Variants in RGS17 observed in about 807,000 individuals in gnomAD.
RGS17 encodes regulator of G-protein signaling 17.
A neutral mutation model predicts 25.5 loss-of-function variants in RGS17; 12 were observed. The observed-to-expected ratio is 0.47, with a 90% CI of 0.30 to 0.76. The LOEUF is 0.76. Among genes scored for constraint, RGS17 ranks in the 30% least tolerant of loss-of-function variants. RGS17 has a pLI of 0.07. For synonymous variants in RGS17, 71 were observed against 76.9 expected, an observed-to-expected ratio of 0.92 and a Z score of 0.40; for missense variants, 196 against 242.2, an observed-to-expected ratio of 0.81 and a Z score of 1.27.
intron 1 of RGS17, among the ~76,000 whole-genome samples, chr6:153,045,890 C>G (rs1000495251): frequency 5.9e-5 from 9 of 152,136 alleles, no homozygotes; most frequent in Non-Finnish European, 8.8e-5. Context: ...ACGTGCACCT[C>G]CATGTTGACT....
chr6:153,010,181 AAT>A lies in RGS17; in HGVS notation c.*1391_*1392del, dbSNP rs1779115947. ...TATTCATTCAGTTTAATATTAAAAA[AAT>A]AGTCTTCAGGGGATATTAATATTCA... On this transcript the variant is annotated 3_prime_UTR_variant, in exon 5 of 5. Coordinates refer to ENST00000206262, the MANE Select transcript of RGS17 (RefSeq NM_012419.5). The A allele has an allele frequency of 6.6e-6, 1 of 151,952 alleles. No homozygotes were observed. The highest frequency in any genetic ancestry group is 6.6e-5 in the Admixed American group (1 of 15,264). The allele number at this position is 151,952 out of a possible 1,614,324, so 9.4% of individuals were successfully genotyped here. A position where few individuals can be genotyped will look rare whatever the true frequency, so the allele number is the denominator to read the frequency against.
intron 2 of RGS17, 68 bp downstream of exon 2, chr6:153,043,832 T>C: frequency 2.3e-6 from 2 of 880,134 alleles, no homozygotes; most frequent in South Asian, 3.1e-5. Flanking sequence ...GTTCTGAGAT[T>C]TGGCATGCAT....
At chr6:153,019,115 A>T (rs1206184189) in intron 4 of RGS17, among the ~76,000 whole-genome samples, 1 of 152,244 alleles carries the variant, frequency 6.6e-6, no homozygotes, top group Non-Finnish European at 1.5e-5. Context: ...AACATCACAG[A>T]TATCACGGGT....
intron 1 of RGS17, among the ~76,000 whole-genome samples, chr6:153,067,113 T>C (rs1776721389): frequency 6.6e-6 from 1 of 151,924 alleles, no homozygotes; most frequent in Non-Finnish European, 1.5e-5. Context: ...AATTCAACAT[T>C]CCTTAATGAT....
chr6:153,117,812 T>C (rs574211656), intron 1 of RGS17, among the ~76,000 whole-genome samples: 1 of 152,226 alleles, frequency 6.6e-6, no homozygotes, highest in Admixed American at 6.5e-5. Context: ...CATTCATTCC[T>C]TCAACATATC....
At chr6:153,101,247 A>G (rs1411627985) in intron 1 of RGS17, among the ~76,000 whole-genome samples, 1 of 152,282 alleles carries the variant, frequency 6.6e-6, no homozygotes, top group Non-Finnish European at 1.5e-5. Context: ...CCACTTATAC[A>G]CAGTTTTATT....
intron 1 of RGS17, among the ~76,000 whole-genome samples, chr6:153,055,414 G>T (rs1776540092): frequency 6.6e-6 from 1 of 152,102 alleles, no homozygotes; most frequent in African/African-American, 2.4e-5. Context: ...AATATGTGGA[G>T]GTCAATTCTT....
chr6:153,127,112 C>T (rs186996539), intron 1 of RGS17, among the ~76,000 whole-genome samples: 4 of 152,182 alleles, frequency 2.6e-5, no homozygotes, highest in Admixed American at 6.5e-5. Context: ...TCCTTGCATG[C>T]GCAGCTCACA....
intron 1 of RGS17, among the ~76,000 whole-genome samples, chr6:153,049,548 G>A (rs957576118): frequency 2.0e-5 from 3 of 152,046 alleles, no homozygotes; most frequent in South Asian, 4.2e-4. Flanking sequence ...TCAGGAGATC[G>A]AGACCATCCT....
At chr6:153,127,355 T>C (rs905024656) in intron 1 of RGS17, among the ~76,000 whole-genome samples, 1 of 152,236 alleles carries the variant, frequency 6.6e-6, no homozygotes, top group Non-Finnish European at 1.5e-5. Context: ...AAACTTGTGG[T>C]AAACCATGCT....
At chr6:153,096,998 G>A (rs936886653) in intron 1 of RGS17, among the ~76,000 whole-genome samples, 1 of 152,150 alleles carries the variant, frequency 6.6e-6, no homozygotes, top group Non-Finnish European at 1.5e-5. Context: ...GTTTCAACAA[G>A]TTGCAACTTG....
At position 153,027,295 on chromosome 6, in the gene RGS17, T is replaced by C. The variant is rs561372631; in HGVS notation, c.120-752A>G. ...CCAGAACAAGAATAAGAATAAGAAT[T>C]GTCCAATGACAATTGCTCCCTAAAG... On this transcript the variant is annotated intron_variant, in intron 2 of 4. Transcript: ENST00000206262. 7.9e-5 allele frequency among the ~76,000 whole-genome samples: 12 copies of C among 151,994 alleles called. No homozygotes were observed. In the East Asian group the frequency reaches 1.9e-3, roughly 25 times the overall value.
chr6:153,071,433 G>C (rs1776801748), intron 1 of RGS17, among the ~76,000 whole-genome samples: 1 of 151,964 alleles, frequency 6.6e-6, no homozygotes, highest in Non-Finnish European at 1.5e-5. Context: ...GGTTAGAAGA[G>C]TGACTCTATC....
intron 1 of RGS17, among the ~76,000 whole-genome samples, chr6:153,129,477 G>C (rs900189585): frequency 6.6e-6 from 1 of 152,186 alleles, no homozygotes; most frequent in Non-Finnish European, 1.5e-5. Flanking sequence ...TACACGCAGC[G>C]TCTGGCAGTT....
At chr6:153,071,291 C>A (rs1024260590) in intron 1 of RGS17, among the ~76,000 whole-genome samples, 2 of 151,612 alleles carry the variant, frequency 1.3e-5, no homozygotes, top group Non-Finnish European at 2.9e-5. Flanking sequence ...TATAAACACA[C>A]ATACACATAA....
At chr6:153,088,313 T>G (rs1777079812) in intron 1 of RGS17, among the ~76,000 whole-genome samples, 1 of 152,196 alleles carries the variant, frequency 6.6e-6, no homozygotes, top group Admixed American at 6.5e-5. Flanking sequence ...TTTATTGGTT[T>G]TGCTCCTAAA....
intron 1 of RGS17, among the ~76,000 whole-genome samples, chr6:153,111,450 TATAG>T (rs535972651): frequency 4.2e-4 from 64 of 152,248 alleles, no homozygotes; most frequent in Middle Eastern, 3.4e-3. Context: ...GTCAGGGGCT[TATAG>T]ATAAAGCTCC....
chr6:153,119,874 A>G (rs1777601016), intron 1 of RGS17, among the ~76,000 whole-genome samples: 1 of 152,178 alleles, frequency 6.6e-6, no homozygotes, highest in Admixed American at 6.5e-5. Context: ...TATTATTTTC[A>G]TCATATCATT....
intron 1 of RGS17, among the ~76,000 whole-genome samples, chr6:153,052,802 T>C (rs1176150039): frequency 2.0e-5 from 3 of 152,098 alleles, no homozygotes; most frequent in Non-Finnish European, 4.4e-5. Context: ...AACACATATG[T>C]TGAAATCTAA....
Sources: allele counts gnomAD v4.1 joint callset (sites outside exome capture counted in the v4.1 genomes callset), GRCh38; gene constraint gnomAD v4.1.1; transcripts MANE v1.5; gene names NCBI Gene and HGNC (gene_info 2026-07-23, HGNC 2026-07-21).